The following ATXN3 variants were observed in gnomAD, a reference collection of about 807,000 sequenced individuals.
The protein encoded by ATXN3 is ataxin-3.
In ATXN3, 28 loss-of-function variants were observed where a neutral mutation model predicts 58.2. The ratio of observed to expected loss-of-function variants is 0.48; its 90% confidence interval spans 0.36 to 0.66. The LOEUF is 0.66. Ranked by LOEUF, ATXN3 falls within the 30% of genes least tolerant of loss-of-function variation. The pLI is 0.00. For synonymous variants in ATXN3, 113 were observed against 138.5 expected (o/e 0.82, Z 1.29); for missense variants, 321 against 422.1 (o/e 0.76, Z 2.10).
At chr14:92,076,727 C>T (rs2060458068) in intron 9 of ATXN3, among the ~76,000 whole-genome samples, 1 of 151,586 alleles carries the variant, frequency 6.6e-6, no homozygotes, top group Non-Finnish European at 1.5e-5. Context: ...ATTGCCTGAG[C>T]TCAGGAGTTC....
intron 10 of ATXN3, among the ~76,000 whole-genome samples, chr14:92,064,692 T>C (rs2058064511): frequency 6.6e-6 from 1 of 152,204 alleles, no homozygotes; most frequent in East Asian, 1.9e-4. Flanking sequence ...ATATTCTCTG[T>C]CCTACAGTTT....
chr14:92,088,655 A>G, intron 6 of ATXN3, 75 bp downstream of exon 6: 2 of 1,056,590 alleles, frequency 1.9e-6, no homozygotes, highest in South Asian at 2.7e-5. Flanking sequence ...CAGTTTTATC[A>G]CACTGTCATC....
At chr14:92,104,398 C>T (rs947959276) in intron 1 of ATXN3, among the ~76,000 whole-genome samples, 3 of 152,110 alleles carry the variant, frequency 2.0e-5, no homozygotes, top group Admixed American at 6.5e-5. Flanking sequence ...TCTGGGCCTC[C>T]CAAAGCACTG....
chr14:92,056,859 A>G (rs888055787), downstream of ATXN3, among the ~76,000 whole-genome samples: 3 of 152,230 alleles, frequency 2.0e-5, no homozygotes, highest in African/African-American at 7.2e-5. Context: ...ACTAGGCTGC[A>G]TTCCCAGATG....
intron 2 of ATXN3, among the ~76,000 whole-genome samples, chr14:92,045,595 G>T (rs2057423187): frequency 6.6e-6 from 1 of 152,298 alleles, no homozygotes; most frequent in African/African-American, 2.4e-5. Flanking sequence ...TCCCTGAGGG[G>T]TAGTAGAATA....
rs552206603 is a variant in ATXN3, at chr14:92,080,557, G to A, written c.872+408C>T. Reference sequence around the variant, plus strand: ...TATATATACATATATTTTTGGAGACGGAGTCTCACTCTGTCACCCAGTCTG... The same window carrying A: ...TATATATACATATATTTTTGGAGACAGAGTCTCACTCTGTCACCCAGTCTG... On this transcript the variant is annotated intron_variant, in intron 9 of 10. Transcript: ENST00000644486. The A allele has an allele frequency of 9.8e-5, 18 of 183,386 alleles. 1 individual carries two copies. The highest frequency in any genetic ancestry group is 3.2e-4 in the South Asian group (3 of 9,470). The allele number at this position is 183,386 out of a possible 1,614,324, so 11.4% of individuals were successfully genotyped here. A position where few individuals can be genotyped will look rare whatever the true frequency, so the allele number is the denominator to read the frequency against.
chr14:92,100,732 G>C (rs1220927258), intron 1 of ATXN3, among the ~76,000 whole-genome samples: 1 of 152,150 alleles, frequency 6.6e-6, no homozygotes, highest in Non-Finnish European at 1.5e-5. Flanking sequence ...GCAGTGGAGA[G>C]ACAGTACCTA....
At chr14:92,086,631 G>A (rs1476994714) in intron 6 of ATXN3, among the ~76,000 whole-genome samples, 3 of 151,922 alleles carry the variant, frequency 2.0e-5, no homozygotes, top group Non-Finnish European at 4.4e-5. Context: ...TACTCGGGAG[G>A]TTGAGGCAGG....
rs1000653550 is a variant in ATXN3 at position 92,097,583 on chromosome 14, T to C, written c.25-745A>G. Among the ~76,000 whole-genome samples, 3 of 151,262 alleles carry C rather than the reference T, an allele frequency of 2.0e-5. No individual in the cohort carries two copies. The East Asian group carries it at 5.8e-4, about 29-fold the overall frequency. The stretch of plus-strand genomic sequence containing the variant: ...CTCTGTCACCCAGCCTGGAGTGCAG[T>C]GGCATGATCTCGGCTCACTGTAAGC... On this transcript the variant is annotated intron_variant, in intron 1 of 10. Coordinates refer to ENST00000644486, the MANE Select transcript of ATXN3 (RefSeq NM_004993.6).
At chr14:92,104,684 G>A (rs2067764162) in intron 1 of ATXN3, among the ~76,000 whole-genome samples, 1 of 152,084 alleles carries the variant, frequency 6.6e-6, no homozygotes, top group African/African-American at 2.4e-5. Flanking sequence ...CCAGCACTTT[G>A]GGAGGCCGAG....
chr14:92,071,010 C>CCTGTTGCTGCTGCTG lies in ATXN3; in HGVS notation c.915_916insCAGCAGCAGCAACAG (p.Gln301_Gln305dup). 1 of 1,454,922 alleles carries CCTGTTGCTGCTGCTG rather than the reference C, an allele frequency of 6.9e-7. No homozygotes were observed. The highest frequency in any genetic ancestry group is 9.4e-7 in the Non-Finnish European group (1 of 1,061,912). 90.1% of individuals were successfully genotyped at this position (1,454,922 alleles called of 1,614,324 possible). A position where few individuals can be genotyped will look rare whatever the true frequency, so the allele number is the denominator to read the frequency against. ...TGTGAACTCTGTCCTGATAGGTCCC[C>CCTGTTGCTGCTGCTG]CTGCTGCTGCTGCTGCTGCTGCTGT... On this transcript the variant is annotated inframe_insertion, in exon 10 of 11. Transcript: ENST00000644486.
At chr14:92,089,739 T>C (rs2063373253) in intron 5 of ATXN3, among the ~76,000 whole-genome samples, 1 of 152,226 alleles carries the variant, frequency 6.6e-6, no homozygotes, top group South Asian at 2.1e-4. Flanking sequence ...AATGTCTTTA[T>C]TAATAGCTAT....
chr14:92,064,317 G>T lies in ATXN3; in HGVS notation c.*3C>A. The stretch of plus-strand genomic sequence containing the variant: ...TGAATATCTAAATTATTTTTTAAAG[G>T]TATTATTTTTTTCCTTCTGTTTTCA... On this transcript the variant is annotated 3_prime_UTR_variant, in exon 11 of 11. Transcript: ENST00000644486. 3 of 1,579,826 alleles carry T rather than the reference G, an allele frequency of 1.9e-6. No individual in the cohort carries two copies. Among genetic ancestry groups the T allele is most frequent in the Non-Finnish European group, 1.7e-6 (2 of 1,149,848 alleles).
At chr14:92,052,581 A>C (rs1275313910), upstream of ATXN3, among the ~76,000 whole-genome samples, 2 of 151,994 alleles carry the variant, frequency 1.3e-5, no homozygotes, top group Non-Finnish European at 2.9e-5. Context: ...TCTCCCCTTC[A>C]TATATAGTAA....
At chr14:92,078,550 A>G (rs1430101111) in intron 9 of ATXN3, among the ~76,000 whole-genome samples, 1 of 151,198 alleles carries the variant, frequency 6.6e-6, no homozygotes, top group Admixed American at 6.6e-5. Flanking sequence ...TTTAGTAGAG[A>G]TGGGGTTTCT....
rs549106315 is a variant in ATXN3, at chr14:92,083,493, T to C, written c.476-235A>G. On this transcript the variant is annotated intron_variant, in intron 6 of 10. Transcript: ENST00000644486. ...CCATTGTAAGACTGGAAGAGCCGTC[T>C]CATTGAGTGACTGTGAGAAATAAAT... 189 of 631,054 alleles carry C rather than the reference T, an allele frequency of 3.0e-4. 1 individual carries two copies. The highest frequency in any genetic ancestry group is 2.8e-3 in the South Asian group (183 of 66,072). The allele number at this position is 631,054 out of a possible 1,614,324, so 39.1% of individuals were successfully genotyped here.
Position 92,061,494 on chromosome 14 carries a change from G to A in ATXN3, c.*2826C>T, listed in dbSNP as rs111461096. ...AAAATATGAAAGTGGTATTTCCAAG[G>A]CTTAAACTTCTACTAGCATCACCAC... On this transcript the variant is annotated 3_prime_UTR_variant, in exon 11 of 11. Coordinates refer to ENST00000644486, the MANE Select transcript of ATXN3 (RefSeq NM_004993.6). 81 of 152,088 alleles carry A rather than the reference G, an allele frequency of 5.3e-4. 1 individual carries two copies. Among genetic ancestry groups the A allele is most frequent in the African/African-American group, 1.7e-3 (71 of 41,470 alleles). The allele number at this position is 152,088 out of a possible 1,614,324, so 9.4% of individuals were successfully genotyped here. A position where few individuals can be genotyped will look rare whatever the true frequency, so the allele number is the denominator to read the frequency against.
chr14:92,066,282 CATA>C (rs2058387117), intron 10 of ATXN3, among the ~76,000 whole-genome samples: 1 of 152,120 alleles, frequency 6.6e-6, no homozygotes, highest in Non-Finnish European at 1.5e-5. Flanking sequence ...TCATCTGTAA[CATA>C]ATGCCTTAAA....
intron 2 of ATXN3, among the ~76,000 whole-genome samples, chr14:92,047,697 G>A (rs1395195260): frequency 2.0e-5 from 3 of 152,152 alleles, no homozygotes; most frequent in African/African-American, 7.2e-5. Flanking sequence ...TAAGGGAACT[G>A]GGCAGGTGGG....
Sources: allele counts gnomAD v4.1 joint callset (sites outside exome capture counted in the v4.1 genomes callset), GRCh38; gene constraint gnomAD v4.1.1; transcripts MANE v1.5; gene names NCBI Gene and HGNC (gene_info 2026-07-23, HGNC 2026-07-21).